The following CNTNAP4 variants were observed in gnomAD, a reference collection of about 807,000 sequenced individuals.
CNTNAP4 encodes contactin associated protein family member 4, also known as contactin-associated protein-like 4.
A neutral mutation model predicts 148.4 loss-of-function variants in CNTNAP4; 98 were observed. The observed-to-expected ratio is 0.66, with a 90% CI of 0.56 to 0.78. The LOEUF is 0.78. Ranked by LOEUF, CNTNAP4 falls within the 30% of genes least tolerant of loss-of-function variation. CNTNAP4 has a pLI of 0.00. For missense variants in CNTNAP4, 1,935 were observed against 1,565.6 expected (o/e 1.24, Z -3.98); for synonymous variants, 730 against 565.1 (o/e 1.29, Z -4.14).
intron 1 of CNTNAP4, among the ~76,000 whole-genome samples, chr16:76,289,453 C>G (rs989941): frequency 0.47 from 70,987 of 151,524 alleles, 18,371 homozygotes; most frequent in African/African-American, 0.7. Flanking sequence ...TTTTACAAAG[C>G]AGTGTGACCA....
At position 76,390,923 on chromosome 16, in the gene CNTNAP4, GT is replaced by G. The variant is rs1286351458; in HGVS notation, c.390+35416del. Among the ~76,000 whole-genome samples the G allele has an allele frequency of 7.9e-5, 12 of 152,126 alleles. 2 individuals are homozygous for G. In the South Asian group the frequency reaches 1.7e-3, roughly 21 times the overall value. On this transcript the variant is annotated intron_variant, in intron 3 of 23. Coordinates refer to ENST00000611870, the MANE Select transcript of CNTNAP4 (RefSeq NM_033401.5). Reference sequence around the variant, plus strand: ...TATATATTTATGGGGTACATGAGATGTTTTGATATGGGCATGCAATGGGAAA... The same window carrying G: ...TATATATTTATGGGGTACATGAGATGTTTGATATGGGCATGCAATGGGAAA...
chr16:76,522,077 G>A lies in CNTNAP4; in HGVS notation c.2575G>A (p.Gly859Arg). The change falls in exon 17 of 24, where the codon GGG becomes AGG. Residue 859 changes from glycine to arginine, a missense_variant. Coordinates refer to ENST00000611870, the MANE Select transcript of CNTNAP4 (RefSeq NM_033401.5). ...VVTFSFDVGN[G>R]PFEISVQSPT... ...GACTTTTTCATTTGATGTGGGGAAT[G>A]GGCCTTTTGAAATCTCAGTGCAGTC... 6.2e-7 allele frequency: 1 copy of A among 1,613,908 alleles called. No homozygotes were observed. The highest frequency in any genetic ancestry group is 8.5e-7 in the Non-Finnish European group (1 of 1,179,828).
chr16:76,335,802 G>C (rs903385222), intron 2 of CNTNAP4, among the ~76,000 whole-genome samples: 18 of 152,158 alleles, frequency 1.2e-4, no homozygotes, highest in African/African-American at 4.3e-4. Context: ...TGGGGGTGCC[G>C]AGAAGCACAG....
At position 76,558,317 on chromosome 16, in the gene CNTNAP4, A is replaced by G. The variant is rs1422511763; in HGVS notation, c.3734-173A>G. On this transcript the variant is annotated intron_variant, in intron 23 of 23. Coordinates refer to ENST00000611870, the MANE Select transcript of CNTNAP4 (RefSeq NM_033401.5). ...CTGATAGAACTCAGAAATAAACTCAACATACAATAATACTGCTTGAGCCAG... is the reference window on the plus strand; with the variant it reads ...CTGATAGAACTCAGAAATAAACTCAGCATACAATAATACTGCTTGAGCCAG... 6.5e-5 allele frequency: 34 copies of G among 522,176 alleles called. No homozygotes were observed. In the Admixed American group the frequency reaches 1.2e-3, roughly 19 times the overall value. The allele number at this position is 522,176 out of a possible 1,614,324, so 32.3% of individuals were successfully genotyped here. A position where few individuals can be genotyped will look rare whatever the true frequency, so the allele number is the denominator to read the frequency against.
At chr16:76,415,354 A>G (rs1051169717) in intron 3 of CNTNAP4, among the ~76,000 whole-genome samples, 3 of 151,228 alleles carry the variant, frequency 2.0e-5, no homozygotes, top group Non-Finnish European at 3.0e-5. Flanking sequence ...GTTTGTTTTT[A>G]AATAGAACTT....
chr16:76,381,390 CTCTA>C, intron 3 of CNTNAP4, among the ~76,000 whole-genome samples: 1 of 152,264 alleles, frequency 6.6e-6, no homozygotes, highest in Non-Finnish European at 1.5e-5. Flanking sequence ...AGACACATGG[CTCTA>C]TCTAGGAGAA....
chr16:76,518,690 G>T (rs982038373), intron 15 of CNTNAP4, among the ~76,000 whole-genome samples: 16 of 152,012 alleles, frequency 1.1e-4, no homozygotes, highest in Non-Finnish European at 1.6e-4. Context: ...ATCATTTCTG[G>T]GAGTTGGGAA....
At position 76,539,825 on chromosome 16, in the gene CNTNAP4, C is replaced by T; in HGVS notation, c.3327C>T (p.Asn1109=). 6.3e-7 allele frequency: 1 copy of T among 1,597,136 alleles called. No homozygotes were observed. Among genetic ancestry groups the T allele is most frequent in the Admixed American group, 1.8e-5 (1 of 55,532 alleles). Residue 1109 remains asparagine, a synonymous_variant, in exon 20 of 24, where the codon AAC becomes AAT. Transcript: ENST00000611870. ...GACAACTTCACCACATAATGATTAA[C>T]AGAGAAGAAGGAGTGGTCTTTATAG... ...ADGQLHHIMI[N]REEGVVFIEI...
chr16:76,394,020 G>C (rs1479229431), intron 3 of CNTNAP4, among the ~76,000 whole-genome samples: 2 of 152,098 alleles, frequency 1.3e-5, no homozygotes, highest in Admixed American at 1.3e-4. Context: ...GTCTTCATGG[G>C]GATGAACAAG....
chr16:76,480,033 C>T (rs2081759225), intron 12 of CNTNAP4, among the ~76,000 whole-genome samples: 1 of 152,040 alleles, frequency 6.6e-6, no homozygotes, highest in African/African-American at 2.4e-5. Context: ...AACTTTACAG[C>T]CTATATTAGT....
At chr16:76,520,324 G>A (rs1169070856) in intron 15 of CNTNAP4, among the ~76,000 whole-genome samples, 2 of 152,136 alleles carry the variant, frequency 1.3e-5, no homozygotes, top group Admixed American at 1.3e-4. Flanking sequence ...CGAAAGAAAA[G>A]TTGTAGATAT....
At chr16:76,483,239 C>CACACACAG in intron 12 of CNTNAP4, among the ~76,000 whole-genome samples, 1 of 97,414 alleles carries the variant, frequency 1.0e-5, no homozygotes, top group South Asian at 4.2e-4. Flanking sequence ...GAAACACACA[C>CACACACAG]ACACACACAC....
Position 76,361,656 on chromosome 16 carries a change from G to T in CNTNAP4, c.390+6145G>T, listed in dbSNP as rs1051448875. The stretch of plus-strand genomic sequence containing the variant: ...ATGTCTCTTTGAGATCCTGATTTCA[G>T]TTCTTTTGGATAAATACCTGGGATC... On this transcript the variant is annotated intron_variant, in intron 3 of 23. Transcript: ENST00000611870. Among the ~76,000 whole-genome samples the T allele has an allele frequency of 3.3e-5, 5 of 152,268 alleles. No homozygotes were observed. The East Asian group carries it at 7.7e-4, about 23-fold the overall frequency.
chr16:76,484,198 G>A (rs1410117730), intron 12 of CNTNAP4, among the ~76,000 whole-genome samples: 2 of 121,636 alleles, frequency 1.6e-5, no homozygotes, highest in African/African-American at 6.2e-5. Flanking sequence ...GAGAGAGAGA[G>A]AACAAATTCC....
At chr16:76,478,556 A>C (rs1483100050) in intron 11 of CNTNAP4, among the ~76,000 whole-genome samples, 1 of 152,228 alleles carries the variant, frequency 6.6e-6, no homozygotes, top group East Asian at 1.9e-4. Context: ...TTCAGGGACA[A>C]ATATTCAGGG....
intron 3 of CNTNAP4, among the ~76,000 whole-genome samples, chr16:76,360,991 T>TC (rs1482570805): frequency 6.6e-6 from 1 of 151,790 alleles, no homozygotes; most frequent in Non-Finnish European, 1.5e-5. Context: ...TAATTTTTTT[T>TC]TTTTTGTATT....
intron 1 of CNTNAP4, among the ~76,000 whole-genome samples, chr16:76,299,014 A>C (rs11639969): frequency 0.045 from 6,821 of 152,234 alleles, 468 homozygotes; most frequent in African/African-American, 0.15. Context: ...TTAAAGACTT[A>C]AATGTTAGAT....
intron 2 of CNTNAP4, among the ~76,000 whole-genome samples, chr16:76,336,104 A>G (rs1159296347): frequency 2.6e-5 from 4 of 152,156 alleles, no homozygotes; most frequent in Admixed American, 6.6e-5. Flanking sequence ...TTGACTGAGT[A>G]ATCTGTGAAC....
chr16:76,424,025 C>G (rs1026717360), intron 3 of CNTNAP4, among the ~76,000 whole-genome samples: 1 of 152,096 alleles, frequency 6.6e-6, no homozygotes, highest in African/African-American at 2.4e-5. Context: ...TTTCCTTACC[C>G]TCCATAAGAG....
Sources: allele counts gnomAD v4.1 joint callset (sites outside exome capture counted in the v4.1 genomes callset), GRCh38; gene constraint gnomAD v4.1.1; transcripts MANE v1.5; gene names NCBI Gene and HGNC (gene_info 2026-07-23, HGNC 2026-07-21).